The following ANKRD18A variants were observed in gnomAD, a reference collection of about 807,000 sequenced individuals.
ANKRD18A encodes ankyrin repeat domain 18A.
A neutral mutation model predicts 110.6 loss-of-function variants in ANKRD18A; 72 were observed. The observed-to-expected ratio is 0.65, with a 90% CI of 0.54 to 0.79. The LOEUF (loss-of-function observed/expected upper bound fraction) is 0.79. Among genes scored for constraint, ANKRD18A ranks in the 30% least tolerant of loss-of-function variants. The pLI is 0.00. For missense variants in ANKRD18A, 934 were observed against 1,163.3 expected, an observed-to-expected ratio of 0.80 and a Z score of 2.87; for synonymous variants, 305 against 410.3, an observed-to-expected ratio of 0.74 and a Z score of 3.10.
intron 6 of ANKRD18A, among the ~76,000 whole-genome samples, chr9:38,605,468 G>T (rs1044160308): frequency 6.6e-6 from 1 of 151,958 alleles, no homozygotes; most frequent in Non-Finnish European, 1.5e-5. Flanking sequence ...CTAAGTTAAC[G>T]GTGTCTTTAT....
intron 8 of ANKRD18A, among the ~76,000 whole-genome samples, chr9:38,596,990 A>G (rs892938378): frequency 6.6e-6 from 1 of 152,166 alleles, no homozygotes; most frequent in Non-Finnish European, 1.5e-5. Flanking sequence ...AGTTATCACA[A>G]TCCTTAAAAA....
Position 38,616,033 on chromosome 9 carries a change from T to C in ANKRD18A, c.218A>G (p.His73Arg), listed in dbSNP as rs779477335. The change falls in exon 2 of 16, where the codon CAT becomes CGT. Residue 73 changes from histidine to arginine, a missense_variant. This residue lies in a region of ANKRD18A where 630 missense variants were observed against 797.5 expected (regional missense o/e 0.79). Coordinates refer to ENST00000399703, the MANE Select transcript of ANKRD18A (RefSeq NM_147195.4). ...ARDRKDRTVL[H>R]LACAHGRVQV... ...CACACGGCCATGGGCACAGGCCAAATGTAGAACAGTCCTAGGAGAGCGAGA... is the reference window on the plus strand; with the variant it reads ...CACACGGCCATGGGCACAGGCCAAACGTAGAACAGTCCTAGGAGAGCGAGA... The C allele has an allele frequency of 1.3e-6, 2 of 1,586,656 alleles. No homozygotes were observed. Among genetic ancestry groups the C allele is most frequent in the South Asian group, 1.2e-5 (1 of 86,772 alleles).
rs561941899 is a variant in ANKRD18A, at chr9:38,576,916, C to T, written c.2741+137G>A. 72 of 704,136 alleles carry T rather than the reference C, an allele frequency of 1.0e-4. No homozygotes were observed. The South Asian group carries it at 1.3e-3, about 13-fold the overall frequency. The allele number at this position is 704,136 out of a possible 1,614,324, so 43.6% of individuals were successfully genotyped here. On this transcript the variant is annotated intron_variant, in intron 14 of 15. Transcript: ENST00000399703. ...TTTTAAAGGTAGGATTATTTACTAACATTATTTTCCAAAATTACATTATCA... is the reference window on the plus strand; with the variant it reads ...TTTTAAAGGTAGGATTATTTACTAATATTATTTTCCAAAATTACATTATCA...
chr9:38,587,933 C>T (rs147056751), intron 11 of ANKRD18A, among the ~76,000 whole-genome samples: 8,661 of 152,024 alleles, frequency 0.057, 203 homozygotes, highest in Non-Finnish European at 0.072. Context: ...ACTAAAAATA[C>T]AAAAATTAGC....
At position 38,596,042 on chromosome 9, in the gene ANKRD18A, T is replaced by A. The variant is rs1355904322; in HGVS notation, c.1298A>T (p.Tyr433Phe). The change falls in exon 9 of 16, where the codon TAC becomes TTC. Residue 433 changes from tyrosine to phenylalanine, a missense_variant. Around this residue, in one of 4 missense-constraint regions of ANKRD18A, gnomAD observed 630 missense variants for 797.5 expected, o/e 0.79. Transcript: ENST00000399703. ...GTCTTTTCTTTCCACAATTTCATTGTACTCATTTATAGCAGTGGCCAGGCT... is the reference window on the plus strand; with the variant it reads ...GTCTTTTCTTTCCACAATTTCATTGAACTCATTTATAGCAGTGGCCAGGCT... ...HSSLATAINE[Y>F]NEIVERKDLE... 5.8e-6 allele frequency: 9 copies of A among 1,550,806 alleles called. No homozygotes were observed. The highest frequency in any genetic ancestry group is 7.0e-6 in the Non-Finnish European group (8 of 1,146,626).
At chr9:38,605,438 A>C (rs1340591256) in intron 6 of ANKRD18A, among the ~76,000 whole-genome samples, 1 of 152,198 alleles carries the variant, frequency 6.6e-6, no homozygotes, top group Admixed American at 6.5e-5. Flanking sequence ...AACTTATAGA[A>C]GTGGTTTGAC....
intron 12 of ANKRD18A, among the ~76,000 whole-genome samples, chr9:38,582,159 TATA>T (rs1200362119): frequency 2.6e-5 from 4 of 152,042 alleles, no homozygotes; most frequent in African/African-American, 7.2e-5. Flanking sequence ...TTCTATGAAT[TATA>T]ATGAGTTAGT....
At position 38,607,150 on chromosome 9, in the gene ANKRD18A, G is replaced by A. The variant is rs552417108; in HGVS notation, c.808+276C>T. On this transcript the variant is annotated intron_variant, in intron 6 of 15. Coordinates refer to ENST00000399703, the MANE Select transcript of ANKRD18A (RefSeq NM_147195.4). ...CGGCTCACTGCAACCTCCACTTCCC[G>A]GGTTCAAGTGATTCTTCTGCCTCAG... Among the ~76,000 whole-genome samples the A allele has an allele frequency of 2.0e-4, 30 of 152,204 alleles. No homozygotes were observed. The South Asian group carries it at 6.0e-3, about 31-fold the overall frequency.
intron 11 of ANKRD18A, among the ~76,000 whole-genome samples, chr9:38,586,838 A>G (rs532252375): frequency 6.6e-6 from 1 of 152,192 alleles, no homozygotes. Context: ...TGCTGGGATT[A>G]CAGGCATGAG....
rs1214208156 is a variant in ANKRD18A, at chr9:38,590,497, C to T, written c.2005-1834G>A. Among the ~76,000 whole-genome samples the T allele has an allele frequency of 2.0e-5, 3 of 152,118 alleles. No individual in the cohort carries two copies. In the East Asian group the frequency reaches 5.8e-4, roughly 29 times the overall value. On this transcript the variant is annotated intron_variant, in intron 10 of 15. Coordinates refer to ENST00000399703, the MANE Select transcript of ANKRD18A (RefSeq NM_147195.4). ...GTACTTCTGACCTCAGGTAATCCAC[C>T]CACCTCAGCCTCCCAAAGTGTTGGG... is the stretch of plus-strand genomic sequence containing the variant.
At chr9:38,612,810 C>T (rs1410805937) in intron 3 of ANKRD18A, among the ~76,000 whole-genome samples, 6 of 151,976 alleles carry the variant, frequency 3.9e-5, no homozygotes, top group African/African-American at 7.2e-5. Context: ...AGCCATTGCA[C>T]CCGGCCGTCA....
chr9:38,615,635 T>G lies in ANKRD18A; in HGVS notation c.454A>C (p.Arg152=). 1 of 1,610,622 alleles carries G rather than the reference T, an allele frequency of 6.2e-7. No individual in the cohort carries two copies. The highest frequency in any genetic ancestry group is 8.5e-7 in the Non-Finnish European group (1 of 1,179,134). Residue 152 remains arginine, a synonymous_variant, in exon 3 of 16, where the codon AGA becomes CGA. Coordinates refer to ENST00000399703, the MANE Select transcript of ANKRD18A (RefSeq NM_147195.4). ...VYNKGTSLAE[R]LLSHHANIEA... is the part of the protein sequence containing the mutation. ...ATATTTGCATGGTGGGAAAGCAGTCTTTCTGCCAGTGAAGTCCCCTTATTA... is the reference window on the plus strand; with the variant it reads ...ATATTTGCATGGTGGGAAAGCAGTCGTTCTGCCAGTGAAGTCCCCTTATTA...
intron 10 of ANKRD18A, among the ~76,000 whole-genome samples, chr9:38,593,150 C>A (rs1455225885): frequency 1.3e-5 from 2 of 152,204 alleles, no homozygotes; most frequent in Non-Finnish European, 2.9e-5. Context: ...AGATAATTTT[C>A]TGAGCTCTCC....
chr9:38,583,383 T>C (rs552981507), intron 12 of ANKRD18A, among the ~76,000 whole-genome samples: 1 of 152,288 alleles, frequency 6.6e-6, no homozygotes, highest in Non-Finnish European at 1.5e-5. Flanking sequence ...TACAGCAGCA[T>C]TATTACTATA....
Position 38,608,691 on chromosome 9 carries a change from ATATAAT to A in ANKRD18A, c.741-1204_741-1199del, listed in dbSNP as rs897580185. Among the ~76,000 whole-genome samples the A allele has an allele frequency of 8.3e-4, 122 of 146,888 alleles. 4 individuals carry two copies. The South Asian group carries it at 0.025, about 30-fold the overall frequency. ...TTAAAATAACATAAATATAAAAATA[ATATAAT>A]TATATACATTATATAATAATTATAT... On this transcript the variant is annotated intron_variant, in intron 5 of 15. Coordinates refer to ENST00000399703, the MANE Select transcript of ANKRD18A (RefSeq NM_147195.4).
At chr9:38,574,135 C>T (rs1290301967) in intron 15 of ANKRD18A, among the ~76,000 whole-genome samples, 4 of 152,166 alleles carry the variant, frequency 2.6e-5, no homozygotes, top group Non-Finnish European at 5.9e-5. Context: ...GTAGCTCCCA[C>T]ATATGAGAGC....
chr9:38,614,219 GTTTTT>G (rs58955752), intron 3 of ANKRD18A, among the ~76,000 whole-genome samples: 3 of 68,804 alleles, frequency 4.4e-5, no homozygotes, highest in African/African-American at 1.8e-4. Flanking sequence ...GAACACTGAG[GTTTTT>G]TTTTTTTTTT....
chr9:38,616,965 G>A (rs1458002444), intron 1 of ANKRD18A, among the ~76,000 whole-genome samples: 1 of 152,032 alleles, frequency 6.6e-6, no homozygotes, highest in Non-Finnish European at 1.5e-5. Flanking sequence ...GAAAATAGTA[G>A]GGTATCACAC....
intron 6 of ANKRD18A, among the ~76,000 whole-genome samples, chr9:38,605,993 G>A (rs1416493488): frequency 6.6e-6 from 1 of 152,136 alleles, no homozygotes; most frequent in Non-Finnish European, 1.5e-5. Context: ...CTTGTTCTAA[G>A]AAGTGAATAT....
Sources: allele counts gnomAD v4.1 joint callset (sites outside exome capture counted in the v4.1 genomes callset), GRCh38; gene constraint gnomAD v4.1.1; regional missense constraint gnomAD v4.1.1; transcripts MANE v1.5; gene names NCBI Gene and HGNC (gene_info 2026-07-23, HGNC 2026-07-21).